IPO11: variants seen among roughly 807,000 people sequenced by gnomAD.
IPO11 encodes importin 11, also known as importin-11.
Under a neutral mutation model 143.2 loss-of-function variants are expected in IPO11, and 66 were observed. That is an observed-to-expected ratio of 0.46 (90% CI 0.38 to 0.57). IPO11 has a LOEUF of 0.57. Ranked by LOEUF, IPO11 falls within the 20% of genes least tolerant of loss-of-function variation. The pLI is 0.00. For missense variants in IPO11, 1,026 were observed against 1,141.0 expected, an observed-to-expected ratio of 0.90 and a Z score of 1.45; for synonymous variants, 385 against 377.8, an observed-to-expected ratio of 1.02 and a Z score of -0.22.
intron 27 of IPO11, among the ~76,000 whole-genome samples, chr5:62,587,371 A>C (rs1744835418): frequency 6.6e-6 from 1 of 152,158 alleles, no homozygotes; most frequent in Non-Finnish European, 1.5e-5. Context: ...TAGATTTATT[A>C]ATATACTTTT....
intron 6 of IPO11, among the ~76,000 whole-genome samples, chr5:62,468,131 G>A (rs1319406052): frequency 1.3e-5 from 2 of 151,946 alleles, no homozygotes; most frequent in Non-Finnish European, 2.9e-5. Context: ...CATCTTTCTG[G>A]TCTTGAACTC....
chr5:62,584,738 TTTTTTG>T (rs1194857221), intron 27 of IPO11, among the ~76,000 whole-genome samples: 6 of 150,030 alleles, frequency 4.0e-5, no homozygotes, highest in South Asian at 4.2e-4. Flanking sequence ...TTTTGTTTTG[TTTTTTG>T]TTTTTGTTTT....
chr5:62,600,574 A>G (rs920515707), intron 28 of IPO11, among the ~76,000 whole-genome samples: 2 of 152,250 alleles, frequency 1.3e-5, no homozygotes, highest in Non-Finnish European at 2.9e-5. Context: ...ACTGGGATGT[A>G]GACCTTTTTA....
At chr5:62,493,817 C>T (rs994011216) in intron 15 of IPO11, among the ~76,000 whole-genome samples, 181 bp from the exon 16 acceptor site, 1 of 152,256 alleles carries the variant, frequency 6.6e-6, no homozygotes, top group Middle Eastern at 3.4e-3. Flanking sequence ...GATTTGCCCT[C>T]CTTGGCATTC....
At chr5:62,487,417 G>A (rs1746449373) in intron 12 of IPO11, among the ~76,000 whole-genome samples, 1 of 152,050 alleles carries the variant, frequency 6.6e-6, no homozygotes, top group South Asian at 2.1e-4. Flanking sequence ...ATCTTGGGTA[G>A]TCAGCCATTT....
chr5:62,467,349 C>G lies in IPO11; in HGVS notation c.649+86C>G, dbSNP rs574257143. 27 of 1,350,316 alleles carry G rather than the reference C, an allele frequency of 2.0e-5. No homozygotes were observed. The South Asian group carries it at 3.9e-4, about 19-fold the overall frequency. 83.6% of individuals were successfully genotyped at this position (1,350,316 alleles called of 1,614,324 possible). A position where few individuals can be genotyped will look rare whatever the true frequency, so the allele number is the denominator to read the frequency against. ...AGTTCCTTTAGACGGGTTTTCTGTT[C>G]CCAGTTTCACTGGAAAAATAAGAGG... On this transcript the variant is annotated intron_variant, in intron 6 of 29. Coordinates refer to ENST00000325324, the MANE Select transcript of IPO11 (RefSeq NM_016338.5).
At chr5:62,604,246 T>G (rs1326940011) in intron 29 of IPO11, among the ~76,000 whole-genome samples, 1 of 152,176 alleles carries the variant, frequency 6.6e-6, no homozygotes, top group Admixed American at 6.5e-5. Flanking sequence ...TCTCGCTCTA[T>G]CACCCAGGCT....
chr5:62,509,411 T>A (rs548601701), intron 19 of IPO11, among the ~76,000 whole-genome samples: 2 of 152,202 alleles, frequency 1.3e-5, no homozygotes, highest in African/African-American at 4.8e-5. Flanking sequence ...TTCAGTGATA[T>A]GAATTTAAGT....
At chr5:62,546,364 C>G (rs1005475405) in intron 24 of IPO11, among the ~76,000 whole-genome samples, 1 of 152,116 alleles carries the variant, frequency 6.6e-6, no homozygotes, top group Non-Finnish European at 1.5e-5. Flanking sequence ...CACCAAACAC[C>G]ACATGTTCTC....
At chr5:62,572,817 A>G (rs566001230) in intron 27 of IPO11, among the ~76,000 whole-genome samples, 1 of 152,170 alleles carries the variant, frequency 6.6e-6, no homozygotes, top group African/African-American at 2.4e-5. Context: ...TCCTGCACTC[A>G]AGCAGTCCGC....
intron 13 of IPO11, 100 bp from the exon 14 acceptor site, chr5:62,489,202 A>G: frequency 3.9e-6 from 2 of 516,702 alleles, no homozygotes; most frequent in Non-Finnish European, 6.2e-6. Context: ...GTTATACTTA[A>G]TTGAATTGGG....
chr5:62,467,413 T>C, intron 6 of IPO11, 150 bp downstream of exon 6: 1 of 783,186 alleles, frequency 1.3e-6, no homozygotes, highest in Non-Finnish European at 1.9e-6. Flanking sequence ...ATTTATAGTT[T>C]TGTGGCAGTA....
chr5:62,586,328 G>A (rs183616868), intron 27 of IPO11, among the ~76,000 whole-genome samples: 2 of 151,964 alleles, frequency 1.3e-5, no homozygotes, highest in Non-Finnish European at 2.9e-5. Context: ...TTTGACATTG[G>A]TGTCTTCATC....
intron 24 of IPO11, among the ~76,000 whole-genome samples, chr5:62,543,822 T>C (rs1037010932): frequency 3.9e-5 from 6 of 152,146 alleles, no homozygotes; most frequent in African/African-American, 2.4e-5. Context: ...TGTGGGCATT[T>C]AGTGCTATAA....
intron 1 of IPO11, among the ~76,000 whole-genome samples, chr5:62,422,110 T>C (rs1165138542): frequency 6.6e-6 from 1 of 152,200 alleles, no homozygotes; most frequent in Non-Finnish European, 1.5e-5. Flanking sequence ...CTATTTTTTT[T>C]CATATCCAAG....
chr5:62,494,585 G>T (rs1234480890), intron 16 of IPO11, among the ~76,000 whole-genome samples: 1 of 151,664 alleles, frequency 6.6e-6, no homozygotes, highest in African/African-American at 2.4e-5. Context: ...TGTTGATTTT[G>T]TTACTGAGAA....
At chr5:62,416,715 C>CTTTTTTTT (rs11295932) in intron 1 of IPO11, among the ~76,000 whole-genome samples, 1 of 144,134 alleles carries the variant, frequency 6.9e-6, no homozygotes, top group Non-Finnish European at 1.5e-5. Context: ...CTCTTATTAT[C>CTTTTTTTT]TTTTTTTTTT....
chr5:62,477,411 G>T (rs371503005), intron 9 of IPO11, among the ~76,000 whole-genome samples: 1 of 152,156 alleles, frequency 6.6e-6, no homozygotes, highest in Admixed American at 6.5e-5. Flanking sequence ...TAGGGTAGGG[G>T]TTGCTTATTC....
At chr5:62,443,415 G>A (rs1744577345) in intron 3 of IPO11, 1 of 162,422 alleles carries the variant, frequency 6.2e-6, no homozygotes, top group Non-Finnish European at 1.3e-5. Flanking sequence ...GTGTGTGTGT[G>A]TGTGTGCGTG....
Sources: gnomAD v4.1 joint callset for allele counts (sites outside exome capture counted in the v4.1 genomes callset) on GRCh38, gnomAD v4.1.1 for gene constraint, MANE v1.5 for transcripts, NCBI Gene and HGNC (gene_info 2026-07-23, HGNC 2026-07-21) for gene names.